The following KCND2 variants were observed in gnomAD, a reference collection of about 807,000 sequenced individuals.
KCND2 encodes A-type voltage-gated potassium channel KCND2.
KCND2 carries 16 observed loss-of-function variants against 54.4 expected under a neutral mutation model. That is an observed-to-expected ratio of 0.29 (90% confidence interval 0.20 to 0.45). The LOEUF is 0.45. Ranked by LOEUF, KCND2 falls within the 20% of genes least tolerant of loss-of-function variation. KCND2 has a pLI of 1.00. For missense variants in KCND2, 486 were observed against 824.2 expected (o/e 0.59, Z 5.02); for synonymous variants, 317 against 310.7 (o/e 1.02, Z -0.21).
intron 1 of KCND2, among the ~76,000 whole-genome samples, chr7:120,548,426 T>G (rs1792068850): frequency 6.6e-6 from 1 of 152,118 alleles, no homozygotes. Context: ...GCATTGTCAA[T>G]TCTATGCAGA....
intron 1 of KCND2, among the ~76,000 whole-genome samples, chr7:120,723,087 A>G (rs1792689279): frequency 6.6e-6 from 1 of 152,118 alleles, no homozygotes; most frequent in Non-Finnish European, 1.5e-5. Context: ...CCAGGAAGAG[A>G]TGGAAGCAAT....
At chr7:120,635,798 T>A (rs540923856) in intron 1 of KCND2, among the ~76,000 whole-genome samples, 2 of 152,326 alleles carry the variant, frequency 1.3e-5, no homozygotes, top group Admixed American at 1.3e-4. Flanking sequence ...GGATAAAATG[T>A]TATCTTTGAC....
At position 120,748,743 on chromosome 7, in the gene KCND2, T is replaced by C. The variant is rs1316477165; in HGVS notation, c.*885T>C. 1.3e-5 allele frequency: 2 copies of C among 152,134 alleles called. No homozygotes were observed. Among genetic ancestry groups the C allele is most frequent in the African/African-American group, 4.8e-5 (2 of 41,446 alleles). 9.4% of individuals were successfully genotyped at this position (152,134 alleles called of 1,614,324 possible). A position where few individuals can be genotyped will look rare whatever the true frequency, so the allele number is the denominator to read the frequency against. ...TTTAGGTAACTTTTTAATCCAAAAC[T>C]ATTGTGCCATAAATGTTTTTCAGTA... On this transcript the variant is annotated 3_prime_UTR_variant, in exon 6 of 6. Coordinates refer to ENST00000331113, the MANE Select transcript of KCND2 (RefSeq NM_012281.3).
At chr7:120,276,754 T>C (rs893699972) in intron 1 of KCND2, among the ~76,000 whole-genome samples, 2 of 152,258 alleles carry the variant, frequency 1.3e-5, no homozygotes, top group Admixed American at 1.3e-4. Flanking sequence ...AGGCAAATGA[T>C]TAATAATGTT....
chr7:120,492,188 G>A (rs1018671978), intron 1 of KCND2, among the ~76,000 whole-genome samples: 5 of 151,732 alleles, frequency 3.3e-5, no homozygotes, highest in African/African-American at 1.2e-4. Flanking sequence ...AGTAAAAAGT[G>A]AAACACACAC....
intron 1 of KCND2, among the ~76,000 whole-genome samples, chr7:120,469,443 T>G (rs1192928630): frequency 6.6e-6 from 1 of 152,074 alleles, no homozygotes; most frequent in Non-Finnish European, 1.5e-5. Context: ...ATGTCCTGTG[T>G]GTTCATTCTT....
intron 1 of KCND2, among the ~76,000 whole-genome samples, chr7:120,568,006 G>A (rs1045403063): frequency 2.6e-5 from 4 of 151,870 alleles, no homozygotes; most frequent in Non-Finnish European, 4.4e-5. Context: ...ACTTCCTTAT[G>A]TGTGTTTTTG....
intron 1 of KCND2, among the ~76,000 whole-genome samples, chr7:120,490,749 G>T (rs756319974): frequency 6.6e-6 from 1 of 152,108 alleles, no homozygotes; most frequent in Admixed American, 6.6e-5. Flanking sequence ...TCCACAAAGG[G>T]ATTGGGAGTG....
intron 1 of KCND2, among the ~76,000 whole-genome samples, chr7:120,680,335 A>G (rs1167694560): frequency 7.9e-5 from 12 of 152,058 alleles, no homozygotes; most frequent in Admixed American, 7.2e-4. Flanking sequence ...TTCTGCACTC[A>G]TCACTATCTG....
intron 1 of KCND2, among the ~76,000 whole-genome samples, chr7:120,667,018 G>T (rs1791935320): frequency 6.6e-6 from 1 of 151,622 alleles, no homozygotes; most frequent in African/African-American, 2.4e-5. Flanking sequence ...GAAATAAACA[G>T]AAAAAAGAGA....
intron 1 of KCND2, among the ~76,000 whole-genome samples, chr7:120,374,782 G>T (rs966222931): frequency 2.6e-5 from 4 of 151,748 alleles, no homozygotes; most frequent in African/African-American, 9.7e-5. Context: ...GACATTTCTG[G>T]ATCATTGCGT....
chr7:120,430,250 T>C (rs1244475215), intron 1 of KCND2, among the ~76,000 whole-genome samples: 2 of 152,144 alleles, frequency 1.3e-5, no homozygotes, highest in East Asian at 3.9e-4. Flanking sequence ...CATGGCCTTT[T>C]CTCTTCGTGT....
chr7:120,474,719 T>C (rs933218359), intron 1 of KCND2, among the ~76,000 whole-genome samples: 1 of 152,062 alleles, frequency 6.6e-6, no homozygotes, highest in African/African-American at 2.4e-5. Context: ...TAACACCCTC[T>C]ATCTAATACT....
chr7:120,447,366 G>GA lies in KCND2; in HGVS notation c.1115+171629dup, dbSNP rs548389764. On this transcript the variant is annotated intron_variant, in intron 1 of 5. Coordinates refer to ENST00000331113, the MANE Select transcript of KCND2 (RefSeq NM_012281.3). The stretch of plus-strand genomic sequence containing the variant: ...TTTGTACCCTGGTGAAAAAAAAAAA[G>GA]AAAAAAAAAAGAAAAAGAAAAAGAA... Among the ~76,000 whole-genome samples the GA allele has an allele frequency of 2.6e-3, 365 of 137,778 alleles. 2 individuals are homozygous for GA. The highest frequency in any genetic ancestry group is 4.5e-3 in the Non-Finnish European group (286 of 62,862). The allele number at this position is 137,778 out of a possible 152,430, so 90.4% of individuals were successfully genotyped here.
intron 1 of KCND2, among the ~76,000 whole-genome samples, chr7:120,501,649 C>T (rs1802936670): frequency 6.6e-6 from 1 of 152,078 alleles, no homozygotes; most frequent in African/African-American, 2.4e-5. Flanking sequence ...GTAGACTTAA[C>T]ATGTCCTTTG....
At chr7:120,740,940 G>A (rs1792933312) in intron 2 of KCND2, 1 of 453,256 alleles carries the variant, frequency 2.2e-6, no homozygotes, top group Non-Finnish European at 4.4e-6. Context: ...TGTTTAGAGA[G>A]AGAGTCCATG....
intron 1 of KCND2, among the ~76,000 whole-genome samples, chr7:120,567,488 G>A (rs1289437672): frequency 2.6e-5 from 4 of 152,058 alleles, no homozygotes; most frequent in African/African-American, 4.8e-5. Context: ...TTTGAAACTT[G>A]AGCTGCAGAT....
At chr7:120,466,469 G>A (rs1013947682) in intron 1 of KCND2, among the ~76,000 whole-genome samples, 1 of 151,954 alleles carries the variant, frequency 6.6e-6, no homozygotes, top group African/African-American at 2.4e-5. Context: ...TTTTCTACCT[G>A]AGGACAACCA....
intron 1 of KCND2, among the ~76,000 whole-genome samples, chr7:120,282,799 C>A (rs930151541): frequency 3.3e-5 from 5 of 152,106 alleles, no homozygotes; most frequent in Admixed American, 1.3e-4. Flanking sequence ...AACATACACT[C>A]TCAGGGAATC....
Sources: gnomAD v4.1 joint callset for allele counts (sites outside exome capture counted in the v4.1 genomes callset) on GRCh38, gnomAD v4.1.1 for gene constraint, MANE v1.5 for transcripts, NCBI Gene and HGNC (gene_info 2026-07-23, HGNC 2026-07-21) for gene names.